HEMK1: variants seen among roughly 807,000 people sequenced by gnomAD.
HEMK1 encodes the protein MTRF1L release factor glutamine methyltransferase.
HEMK1 carries 36 observed loss-of-function variants against 47.9 expected under a neutral mutation model. That is an observed-to-expected ratio of 0.75 (90% confidence interval 0.58 to 0.99). The LOEUF is 0.99. Ranked by LOEUF, HEMK1 falls within the 50% of genes least tolerant of loss-of-function variation. HEMK1 has a pLI of 0.00. For missense variants in HEMK1, 383 were observed against 434.5 expected (o/e 0.88, Z 1.05); for synonymous variants, 153 against 165.4 (o/e 0.93, Z 0.57).
At chr3:50,571,972 G>A in intron 3 of HEMK1, 143 bp from the exon 4 acceptor site, 1 of 1,397,140 alleles carries the variant, frequency 7.2e-7, no homozygotes, top group South Asian at 1.3e-5. Context: ...AGGGAGGGAG[G>A]GAGGGTTTTG....
Position 50,572,122 on chromosome 3 carries a change from G to A in HEMK1, c.328G>A (p.Val110Met). ...CAGCTGCCCCCTCTGCAGGATGCCG[G>A]TGCAGTACATCCTTGGAGAGTGGGA... Reference protein sequence around the residue: ...LSSRRLQRMPVQYILGEWDFQ... With the variant: ...LSSRRLQRMPMQYILGEWDFQ... Residue 110 changes from valine to methionine, a missense_variant, in exon 4 of 11, where the codon GTG becomes ATG. Physicochemically the swap from Val to Met is conservative, Grantham distance 21. Coordinates refer to ENST00000232854, the MANE Select transcript of HEMK1 (RefSeq NM_016173.5). The A allele has an allele frequency of 1.9e-6, 3 of 1,613,940 alleles. No homozygotes were observed. Among genetic ancestry groups the A allele is most frequent in the Middle Eastern group, 1.6e-4 (1 of 6,062 alleles).
rs748888994 is a variant in HEMK1, at chr3:50,579,853, C to T, written c.780C>T (p.Asp260=). 2 of 1,613,094 alleles carry T rather than the reference C, an allele frequency of 1.2e-6. No individual in the cohort carries two copies. The highest frequency in any genetic ancestry group is 1.7e-6 in the Non-Finnish European group (2 of 1,179,446). ...CTGCTTTGCCTTTCAGCTATGAAGA[C>T]CCCGCGGCCCTGGATGGTGGGGAGG... ...QLAPEIRSYE[D]PAALDGGEEG... The change falls in exon 9 of 11, where the codon GAC becomes GAT. Residue 260 remains aspartate, a synonymous_variant. Transcript: ENST00000232854.
At position 50,583,034 on chromosome 3, in the gene HEMK1, G is replaced by A. The variant is rs1377925003; in HGVS notation, c.*2617G>A. 1.3e-5 allele frequency: 2 copies of A among 152,424 alleles called. No individual in the cohort carries two copies. Among genetic ancestry groups the A allele is most frequent in the Admixed American group, 1.3e-4 (2 of 15,290 alleles). The allele number at this position is 152,424 out of a possible 1,614,324, so 9.4% of individuals were successfully genotyped here. ...ATGGGAGGAGGACATGGAGCTGATG[G>A]AGTCCAGGCTGTGCAAGCCCCTGAG... is the stretch of plus-strand genomic sequence containing the variant. On this transcript the variant is annotated 3_prime_UTR_variant, in exon 11 of 11. Coordinates refer to ENST00000232854, the MANE Select transcript of HEMK1 (RefSeq NM_016173.5).
At chr3:50,574,257 A>C (rs1701329880) in intron 4 of HEMK1, among the ~76,000 whole-genome samples, 1 of 152,212 alleles carries the variant, frequency 6.6e-6, no homozygotes, top group Admixed American at 6.5e-5. Context: ...TCTTGCCGAA[A>C]GAGCCACCAG....
At chr3:50,576,556 A>T (rs1701611334) in intron 4 of HEMK1, among the ~76,000 whole-genome samples, 1 of 152,128 alleles carries the variant, frequency 6.6e-6, no homozygotes, top group Non-Finnish European at 1.5e-5. Flanking sequence ...GACATCCGCC[A>T]CCATGCCCAT....
At position 50,580,692 on chromosome 3, in the gene HEMK1, T is replaced by A. The variant is rs2030687354; in HGVS notation, c.*275T>A. 1 of 525,956 alleles carries A rather than the reference T, an allele frequency of 1.9e-6. No individual in the cohort carries two copies. Among genetic ancestry groups the A allele is most frequent in the African/African-American group, 1.9e-5 (1 of 51,888 alleles). The allele number at this position is 525,956 out of a possible 1,614,324, so 32.6% of individuals were successfully genotyped here. The stretch of plus-strand genomic sequence containing the variant: ...GACTAACAAATGGTGACCTAATGTT[T>A]TGTCCATGACTTGCAGGTCCCCTGA... On this transcript the variant is annotated 3_prime_UTR_variant, in exon 11 of 11. Transcript: ENST00000232854.
At position 50,590,543 on chromosome 3, in the gene HEMK1, G is replaced by C; in HGVS notation, c.*10126G>C. 1 of 11,868 alleles carries C rather than the reference G, an allele frequency of 8.4e-5. No homozygotes were observed. The highest frequency in any genetic ancestry group is 1.9e-3 in the Admixed American group (1 of 522). 0.7% of individuals were successfully genotyped at this position (11,868 alleles called of 1,614,324 possible). On this transcript the variant is annotated 3_prime_UTR_variant, in exon 11 of 11. Transcript: ENST00000232854. ...TACCCTCTAGCGTGGGCGACAGCAA[G>C]ACTGTTTCAAAAAAAAAAAAGAGGA...
rs1270064205 is a variant in HEMK1, at chr3:50,587,511, C to T, written c.*7094C>T. On this transcript the variant is annotated 3_prime_UTR_variant, in exon 11 of 11. Transcript: ENST00000232854. The surrounding 1 kb of genome is among the most constrained non-coding windows in gnomAD (Gnocchi z 4.2). ...ACAAACTGGGGCTAAGAAACTTGCT[C>T]ATAGGCTGGCTGAGCTGTGATTCTG... 6.6e-6 allele frequency: 1 copy of T among 152,266 alleles called. No homozygotes were observed. Among genetic ancestry groups the T allele is most frequent in the Non-Finnish European group, 1.5e-5 (1 of 68,098 alleles). 9.4% of individuals were successfully genotyped at this position (152,266 alleles called of 1,614,324 possible).
intron 3 of HEMK1, 60 bp downstream of exon 3, chr3:50,571,861 C>T (rs1330668264): frequency 1.3e-6 from 2 of 1,519,134 alleles, no homozygotes; most frequent in South Asian, 1.1e-5. Context: ...CCAGCCTCCC[C>T]TATCCCCACC....
rs772408931 is a variant in HEMK1, at chr3:50,580,413, C to T, written c.1013C>T (p.Pro338Leu). Residue 338 changes from proline to leucine, a missense_variant, in exon 11 of 11, where the codon CCA becomes CTA. Transcript: ENST00000232854. ...PRFLHIRRSG[P>L] The stretch of plus-strand genomic sequence containing the variant: ...TTCCTGCATATCCGGAGGTCTGGGC[C>T]ATAGCATGGCTGCCCTGTGGATGCC... The T allele has an allele frequency of 3.7e-6, 6 of 1,614,154 alleles. No homozygotes were observed. The highest frequency in any genetic ancestry group is 5.1e-6 in the Non-Finnish European group (6 of 1,180,014).
rs2031820217 is a variant in HEMK1 at position 50,593,398 on chromosome 3, A to G, written c.*12981A>G. The G allele has an allele frequency of 6.6e-6, 1 of 152,204 alleles. No homozygotes were observed. The highest frequency in any genetic ancestry group is 1.5e-5 in the Non-Finnish European group (1 of 68,050). 9.4% of individuals were successfully genotyped at this position (152,204 alleles called of 1,614,324 possible). A position where few individuals can be genotyped will look rare whatever the true frequency, so the allele number is the denominator to read the frequency against. On this transcript the variant is annotated 3_prime_UTR_variant, in exon 11 of 11. Transcript: ENST00000232854. Reference sequence around the variant, plus strand: ...AAGATTTGGTGGGCTAAGGGTGGGCAGGAGAATACAACTCACAGCCAAGCG... The same window carrying G: ...AAGATTTGGTGGGCTAAGGGTGGGCGGGAGAATACAACTCACAGCCAAGCG...
Position 50,580,783 on chromosome 3 carries a change from T to G in HEMK1, c.*366T>G. ...CTGCCCCAGCAGGGCTGGCCGTCAG[T>G]CCCCTGCTTGGTAGTGGTGTGGGGG... On this transcript the variant is annotated 3_prime_UTR_variant, in exon 11 of 11. Transcript: ENST00000232854. 3.0e-6 allele frequency: 1 copy of G among 335,846 alleles called. No individual in the cohort carries two copies. The highest frequency in any genetic ancestry group is 5.6e-6 in the Non-Finnish European group (1 of 178,412). The allele number at this position is 335,846 out of a possible 1,614,324, so 20.8% of individuals were successfully genotyped here.
chr3:50,571,270 G>A lies in HEMK1; in HGVS notation c.166G>A (p.Gly56Ser), dbSNP rs1700921311. ...SHWTGVFEKRGIPEARESSEY... is the reference protein window; with the variant it reads ...SHWTGVFEKRSIPEARESSEY... ...CTGGACTGGGGTCTTTGAGAAGAGG[G>A]GTATCCCTGAGGCCCGGGAATCCAG... The change falls in exon 2 of 11, where the codon GGT (glycine) becomes AGT (serine). Residue 56 changes from glycine to serine, a missense_variant. Physicochemically the swap from Gly to Ser is moderately conservative, Grantham distance 56. Coordinates refer to ENST00000232854, the MANE Select transcript of HEMK1 (RefSeq NM_016173.5). 1.9e-6 allele frequency: 3 copies of A among 1,612,840 alleles called. No individual in the cohort carries two copies. Among genetic ancestry groups the A allele is most frequent in the Non-Finnish European group, 8.5e-7 (1 of 1,179,474 alleles).
intron 4 of HEMK1, 135 bp from the exon 5 acceptor site, chr3:50,576,917 G>A: frequency 9.4e-7 from 1 of 1,062,010 alleles, no homozygotes; most frequent in Non-Finnish European, 1.4e-6. Context: ...CCATGCCCCA[G>A]CTGACATGAA....
chr3:50,578,711 G>A (rs1444391266), intron 7 of HEMK1, 110 bp from the exon 8 acceptor site: 3 of 710,130 alleles, frequency 4.2e-6, no homozygotes, highest in East Asian at 2.8e-5. Flanking sequence ...CAGATCCAGA[G>A]GCAGGCCCAA....
rs572428647 is a variant in HEMK1, at chr3:50,579,040, A to G, written c.770+114A>G. On this transcript the variant is annotated intron_variant, in intron 8 of 10. Coordinates refer to ENST00000232854, the MANE Select transcript of HEMK1 (RefSeq NM_016173.5). Reference sequence around the variant, plus strand: ...AGGGGAGTTGGTGCTGAAATGGGCAATGGTGTTAAGTTGACGCACTCGAGA... The same window carrying G: ...AGGGGAGTTGGTGCTGAAATGGGCAGTGGTGTTAAGTTGACGCACTCGAGA... 5 of 754,618 alleles carry G rather than the reference A, an allele frequency of 6.6e-6. No individual in the cohort carries two copies. The East Asian group carries it at 8.1e-5, about 12-fold the overall frequency. The allele number at this position is 754,618 out of a possible 1,614,324, so 46.7% of individuals were successfully genotyped here.
At chr3:50,579,770 G>C (rs1212928106) in intron 8 of HEMK1, 74 bp from the exon 9 acceptor site, 3 of 1,072,144 alleles carry the variant, frequency 2.8e-6, no homozygotes, top group Non-Finnish European at 4.2e-6. Context: ...ATTCATGGAG[G>C]CCTTGCCCAT....
chr3:50,571,383 G>C (rs750750023), intron 2 of HEMK1, 51 bp downstream of exon 2: 4 of 1,372,794 alleles, frequency 2.9e-6, no homozygotes, highest in Non-Finnish European at 4.0e-6. Context: ...GGGAGGACTT[G>C]GGGAAGGGAT....
In HEMK1 at chr3:50,577,511, C is replaced by G; in HGVS notation, c.552C>G (p.Ser184Arg). 1.2e-6 allele frequency: 2 copies of G among 1,613,982 alleles called. No individual in the cohort carries two copies. Among genetic ancestry groups the G allele is most frequent in the Non-Finnish European group, 1.7e-6 (2 of 1,179,830 alleles). The change falls in exon 6 of 11, where the codon AGC (serine) becomes AGG (arginine). Residue 184 changes from serine (S) to arginine (R), a missense_variant and splice_region_variant. By Grantham distance (110) the Ser-to-Arg change is moderately radical (BLOSUM62 -1). Coordinates refer to ENST00000232854, the MANE Select transcript of HEMK1 (RefSeq NM_016173.5). ...TCCTCTGTTTGTTCTTGGGACAGAG[C>G]CGAGTCATTGCTGTGGATAAGCGGG... ...SLSLLSQLPQ[S>R]RVIAVDKREA...
Sources: gnomAD v4.1 joint callset for allele counts (sites outside exome capture counted in the v4.1 genomes callset) on GRCh38, gnomAD v4.1.1 for gene constraint, Gnocchi (gnomAD v3.1) non-coding constraint, MANE v1.5 for transcripts, NCBI Gene and HGNC (gene_info 2026-07-23, HGNC 2026-07-21) for gene names.